The following PLAG1 variants were observed in gnomAD, a reference collection of about 807,000 sequenced individuals.
PLAG1 encodes PLAG1 zinc finger, also known as zinc finger protein PLAG1.
Under a neutral mutation model 35.5 loss-of-function variants are expected in PLAG1, and 7 were observed. The observed-to-expected ratio is 0.20, with a 90% CI of 0.11 to 0.37. PLAG1 has a LOEUF of 0.37. Among genes scored for constraint, PLAG1 ranks in the 10% least tolerant of loss-of-function variants. PLAG1 has a pLI of 1.00. For synonymous variants in PLAG1, 229 were observed against 225.4 expected, an observed-to-expected ratio of 1.02 and a Z score of -0.14; for missense variants, 454 against 602.8, an observed-to-expected ratio of 0.75 and a Z score of 2.58.
At chr8:56,184,170 G>A (rs1274393641) in intron 1 of PLAG1, among the ~76,000 whole-genome samples, 5 of 152,118 alleles carry the variant, frequency 3.3e-5, no homozygotes, top group Non-Finnish European at 2.9e-5. Flanking sequence ...ATTAACAAAT[G>A]AGCAAAAGAT....
At chr8:56,196,829 C>T (rs1231810534) in intron 1 of PLAG1, among the ~76,000 whole-genome samples, 4 of 152,082 alleles carry the variant, frequency 2.6e-5, no homozygotes, top group Non-Finnish European at 4.4e-5. Context: ...CTCTCTCTCC[C>T]CTCACCCCAT....
At chr8:56,186,917 T>C (rs1019196425) in intron 1 of PLAG1, among the ~76,000 whole-genome samples, 1 of 152,232 alleles carries the variant, frequency 6.6e-6, no homozygotes, top group African/African-American at 2.4e-5. Flanking sequence ...GGTTTCACCA[T>C]GTTGGTCAGG....
chr8:56,166,845 A>G lies in PLAG1; in HGVS notation c.901T>C (p.Ser301Pro). 2 of 1,614,010 alleles carry G rather than the reference A, an allele frequency of 1.2e-6. No individual in the cohort carries two copies. Among genetic ancestry groups the G allele is most frequent in the Non-Finnish European group, 1.7e-6 (2 of 1,179,900 alleles). Residue 301 changes from serine to proline, a missense_variant, in exon 5 of 5, where the codon TCG becomes CCG. Around this residue, in one of 4 missense-constraint regions of PLAG1, gnomAD observed 271 missense variants for 315.6 expected, o/e 0.86. Transcript: ENST00000316981. Reference sequence around the variant, plus strand: ...GTGATCATTTGGTGGGCAGATCCCGAGCTCTGCATGGACTGAAATGGAGTG... The same window carrying G: ...GTGATCATTTGGTGGGCAGATCCCGGGCTCTGCATGGACTGAAATGGAGTG... ...YNTPFQSMQS[S>P]GSAHQMITTL...
chr8:56,199,142 G>C (rs976258357), intron 1 of PLAG1, among the ~76,000 whole-genome samples: 1 of 152,184 alleles, frequency 6.6e-6, no homozygotes, highest in Admixed American at 6.5e-5. Context: ...GGAATGCTGC[G>C]AACCCTGGGG....
In PLAG1 at chr8:56,163,772, T is replaced by C. The variant is rs1238063987; in HGVS notation, c.*2471A>G. 5.3e-6 allele frequency: 1 copy of C among 190,418 alleles called. No individual in the cohort carries two copies. The highest frequency in any genetic ancestry group is 2.3e-5 in the African/African-American group (1 of 42,844). The allele number at this position is 190,418 out of a possible 1,614,324, so 11.8% of individuals were successfully genotyped here. A position where few individuals can be genotyped will look rare whatever the true frequency, so the allele number is the denominator to read the frequency against. ...TACTTAATAAATCCTGGTACTCCCTTTTTTAAATTAGCAGTGAATACAGCC... is the reference window on the plus strand; with the variant it reads ...TACTTAATAAATCCTGGTACTCCCTCTTTTAAATTAGCAGTGAATACAGCC... On this transcript the variant is annotated 3_prime_UTR_variant, in exon 5 of 5. Transcript: ENST00000316981.
intron 2 of PLAG1, among the ~76,000 whole-genome samples, chr8:56,173,620 T>C (rs182509396): frequency 2.0e-5 from 3 of 152,074 alleles, no homozygotes; most frequent in Non-Finnish European, 2.9e-5. Flanking sequence ...GATTGGTTAT[T>C]GTGCTTTTCA....
chr8:56,193,689 G>C (rs960653894), intron 1 of PLAG1, among the ~76,000 whole-genome samples: 1 of 150,120 alleles, frequency 6.7e-6, no homozygotes, highest in Non-Finnish European at 1.5e-5. Context: ...TCTTTCATTA[G>C]GTAAACTTTT....
At chr8:56,203,725 A>G (rs752732102) in intron 1 of PLAG1, among the ~76,000 whole-genome samples, 1 of 152,078 alleles carries the variant, frequency 6.6e-6, no homozygotes, top group African/African-American at 2.4e-5. Flanking sequence ...CTCTTGGTGT[A>G]ATTAACCTAT....
At position 56,166,660 on chromosome 8, in the gene PLAG1, C is replaced by T. The variant is rs757316527; in HGVS notation, c.1086G>A (p.Glu362=). Reference sequence around the variant, plus strand: ...ATGAAGAGGGCACGCCACCTTGTAACTCCATCAGGTAACTCTCAATTTCCC... The same window carrying T: ...ATGAAGAGGGCACGCCACCTTGTAATTCCATCAGGTAACTCTCAATTTCCC... ...LKGEIESYLM[E]LQGGVPSSSQ... is the part of the protein sequence containing the mutation. Residue 362 remains glutamate (E), a synonymous_variant, in exon 5 of 5, where the codon GAG becomes GAA. Transcript: ENST00000316981. The T allele has an allele frequency of 5.6e-6, 9 of 1,613,994 alleles. No homozygotes were observed. The highest frequency in any genetic ancestry group is 7.6e-6 in the Non-Finnish European group (9 of 1,180,008).
chr8:56,169,991 C>G (rs777514154), intron 3 of PLAG1, among the ~76,000 whole-genome samples: 1 of 152,230 alleles, frequency 6.6e-6, no homozygotes, highest in Non-Finnish European at 1.5e-5. Context: ...CTGACTTTCA[C>G]GGATTCCAGT....
At chr8:56,198,269 G>A (rs112636184) in intron 1 of PLAG1, among the ~76,000 whole-genome samples, 2 of 152,208 alleles carry the variant, frequency 1.3e-5, no homozygotes, top group African/African-American at 2.4e-5. Context: ...GCATACCCAC[G>A]CATGGTATGG....
At chr8:56,197,516 G>C (rs1269374132) in intron 1 of PLAG1, among the ~76,000 whole-genome samples, 1 of 152,210 alleles carries the variant, frequency 6.6e-6, no homozygotes, top group Non-Finnish European at 1.5e-5. Context: ...CCCTCTGTGG[G>C]TGTGAACTGG....
In PLAG1 at chr8:56,162,938, G is replaced by GC. The variant is rs1811247736; in HGVS notation, c.*3304_*3305insG. 1 of 215,412 alleles carries GC rather than the reference G, an allele frequency of 4.6e-6. No individual in the cohort carries two copies. The highest frequency in any genetic ancestry group is 2.3e-5 in the African/African-American group (1 of 44,322). The allele number at this position is 215,412 out of a possible 1,614,324, so 13.3% of individuals were successfully genotyped here. A position where few individuals can be genotyped will look rare whatever the true frequency, so the allele number is the denominator to read the frequency against. On this transcript the variant is annotated 3_prime_UTR_variant, in exon 5 of 5. Transcript: ENST00000316981. ...AAATGAAATAAAAAAGTTGCACACA[G>GC]AGTGATGCATAATCAGCCAGGACAA...
chr8:56,201,412 T>A (rs974317677), intron 1 of PLAG1, among the ~76,000 whole-genome samples: 2 of 152,228 alleles, frequency 1.3e-5, no homozygotes, highest in Non-Finnish European at 2.9e-5. Flanking sequence ...ACAAAGTTTA[T>A]ACTTATATCT....
chr8:56,182,832 GA>G (rs1420750601), intron 1 of PLAG1, among the ~76,000 whole-genome samples: 1 of 152,212 alleles, frequency 6.6e-6, no homozygotes, highest in Non-Finnish European at 1.5e-5. Flanking sequence ...ATTCTTGGAA[GA>G]ATCAGGGTAG....
chr8:56,168,008 A>C lies in PLAG1; in HGVS notation c.242+20T>G. On this transcript the variant is annotated intron_variant, in intron 4 of 4. Coordinates refer to ENST00000316981, the MANE Select transcript of PLAG1 (RefSeq NM_002655.3). ...AACATAAGAGAAAATATAATCTGAA[A>C]GACAAATAGAGTTTAATACCTTTGT... 2 of 1,275,038 alleles carry C rather than the reference A, an allele frequency of 1.6e-6. No individual in the cohort carries two copies. The highest frequency in any genetic ancestry group is 2.2e-6 in the Non-Finnish European group (2 of 898,326). 79.0% of individuals were successfully genotyped at this position (1,275,038 alleles called of 1,614,324 possible).
At chr8:56,196,987 T>TGTGTGTGTGC (rs1227336889) in intron 1 of PLAG1, among the ~76,000 whole-genome samples, 2,057 of 149,502 alleles carry the variant, frequency 0.014, 29 homozygotes, top group Admixed American at 0.022. Flanking sequence ...TGTGTGTGTG[T>TGTGTGTGTGC]GCTCCTCTCT....
At position 56,165,714 on chromosome 8, in the gene PLAG1, G is replaced by A. The variant is rs1009973846; in HGVS notation, c.*529C>T. 1.0e-4 allele frequency: 20 copies of A among 196,220 alleles called. No individual in the cohort carries two copies. Among genetic ancestry groups the A allele is most frequent in the Admixed American group, 6.0e-4 (10 of 16,544 alleles). 12.2% of individuals were successfully genotyped at this position (196,220 alleles called of 1,614,324 possible). Reference sequence around the variant, plus strand: ...GAATATACTGATCTGAAATTATGGTGTATCTAACAAACATTTATTATCTTC... The same window carrying A: ...GAATATACTGATCTGAAATTATGGTATATCTAACAAACATTTATTATCTTC... On this transcript the variant is annotated 3_prime_UTR_variant, in exon 5 of 5. Transcript: ENST00000316981.
In PLAG1 at chr8:56,166,282, T is replaced by C. The variant is rs1395422219; in HGVS notation, c.1464A>G (p.Thr488=). 4 of 1,607,436 alleles carry C rather than the reference T, an allele frequency of 2.5e-6. No homozygotes were observed. Among genetic ancestry groups the C allele is most frequent in the Non-Finnish European group, 3.4e-6 (4 of 1,177,384 alleles). ...LSAAFTSSLS[T]STTLPRFHQA... is the part of the protein sequence containing the mutation. ...GATGGAAACGTGGGAGGGTGGTACTTGTGCTTAAACTGCTGGTGAAAGCTG... is the reference window on the plus strand; with the variant it reads ...GATGGAAACGTGGGAGGGTGGTACTCGTGCTTAAACTGCTGGTGAAAGCTG... Residue 488 remains threonine, a synonymous_variant, in exon 5 of 5, where the codon ACA becomes ACG. Coordinates refer to ENST00000316981, the MANE Select transcript of PLAG1 (RefSeq NM_002655.3).
Sources: gnomAD v4.1 joint callset for allele counts (sites outside exome capture counted in the v4.1 genomes callset) on GRCh38, gnomAD v4.1.1 for gene constraint, gnomAD v4.1.1 regional missense constraint, MANE v1.5 for transcripts, NCBI Gene and HGNC (gene_info 2026-07-23, HGNC 2026-07-21) for gene names.